The following IL1RAPL1 variants were observed in gnomAD, a reference collection of about 807,000 sequenced individuals.
The protein encoded by IL1RAPL1 is interleukin-1 receptor accessory protein-like 1.
In IL1RAPL1, 3 loss-of-function variants were observed where a neutral mutation model predicts 48.4. The ratio of observed to expected loss-of-function variants is 0.06; its 90% CI spans 0.03 to 0.16. The LOEUF (loss-of-function observed/expected upper bound fraction) is 0.16. Ranked by LOEUF, IL1RAPL1 falls within the 10% of genes least tolerant of loss-of-function variation. IL1RAPL1 has a pLI of 1.00. For missense variants in IL1RAPL1, 349 were observed against 530.6 expected (o/e 0.66, Z 3.36); for synonymous variants, 185 against 187.7 (o/e 0.99, Z 0.12).
At chrX:29,333,703 G>C (rs1203450576) in intron 3 of IL1RAPL1, among the ~76,000 whole-genome samples, 1 of 84,265 alleles carries the variant, frequency 1.2e-5, no homozygotes, top group Non-Finnish European at 2.3e-5. Flanking sequence ...CTGGCCGGGC[G>C]GGGGGCTGAC....
intron 3 of IL1RAPL1, among the ~76,000 whole-genome samples, chrX:29,346,497 C>G (rs1224465041): frequency 9.0e-6 from 1 of 111,671 alleles, no homozygotes; most frequent in Non-Finnish European, 1.9e-5. Context: ...TAAGCAGGCA[C>G]CATAAAATGT....
At chrX:28,725,426 T>C (rs1459232389) in intron 1 of IL1RAPL1, among the ~76,000 whole-genome samples, 1 of 112,012 alleles carries the variant, frequency 8.9e-6, no homozygotes, top group East Asian at 2.8e-4. Context: ...TTACATATTT[T>C]ATTTTGTGTG....
chrX:29,571,057 C>G (rs1922576997), intron 5 of IL1RAPL1, among the ~76,000 whole-genome samples: 2 of 110,311 alleles, frequency 1.8e-5, no homozygotes, highest in South Asian at 7.8e-4. Context: ...CCGTCTCTAC[C>G]AAAAAATACA....
intron 3 of IL1RAPL1, among the ~76,000 whole-genome samples, chrX:29,333,226 C>G (rs374829000): frequency 2.4e-3 from 247 of 104,606 alleles, no homozygotes; most frequent in African/African-American, 8.3e-3. Context: ...TAGGGGCGGC[C>G]GGGCAGAAGC....
At chrX:29,018,457 C>G (rs112663087) in intron 2 of IL1RAPL1, among the ~76,000 whole-genome samples, 1,300 of 111,856 alleles carry the variant, frequency 0.012, 22 homozygotes, top group African/African-American at 0.04. Flanking sequence ...AGGAGCATCT[C>G]ATCTCTAGCC....
intron 3 of IL1RAPL1, among the ~76,000 whole-genome samples, chrX:29,344,526 A>C (rs1301407400): frequency 8.9e-6 from 1 of 112,011 alleles, no homozygotes; most frequent in Non-Finnish European, 1.9e-5. Flanking sequence ...ATCCATTCCT[A>C]TTATTTAAGA....
chrX:29,237,719 C>A (rs959303222), intron 2 of IL1RAPL1, among the ~76,000 whole-genome samples: 1 of 112,045 alleles, frequency 8.9e-6, no homozygotes, highest in Non-Finnish European at 1.9e-5. Context: ...ATGTGTCTGA[C>A]TGCCACTGGG....
intron 2 of IL1RAPL1, among the ~76,000 whole-genome samples, chrX:28,840,298 C>T (rs1921336634): frequency 9.0e-6 from 1 of 111,093 alleles, no homozygotes; most frequent in South Asian, 3.7e-4. Context: ...TGGCACAATA[C>T]TGTTACCTTA....
chrX:29,120,108 T>C (rs1928751952), intron 2 of IL1RAPL1, among the ~76,000 whole-genome samples: 1 of 111,701 alleles, frequency 9.0e-6, no homozygotes, highest in Non-Finnish European at 1.9e-5. Context: ...TTACCCAAGA[T>C]AGTTTCTTTT....
At chrX:28,673,553 C>G (rs927974186) in intron 1 of IL1RAPL1, among the ~76,000 whole-genome samples, 2 of 112,040 alleles carry the variant, frequency 1.8e-5, no homozygotes, top group South Asian at 7.4e-4. Flanking sequence ...AGGTGGGTAG[C>G]ACATTCAGTG....
chrX:29,469,079 G>T (rs865834121), intron 5 of IL1RAPL1, among the ~76,000 whole-genome samples: 2 of 112,064 alleles, frequency 1.8e-5, no homozygotes, highest in Middle Eastern at 4.6e-3. Context: ...ATGCCCTGTG[G>T]TGGGAGCAAA....
intron 2 of IL1RAPL1, among the ~76,000 whole-genome samples, chrX:29,072,770 A>C (rs1447124727): frequency 9.0e-6 from 1 of 111,354 alleles, no homozygotes; most frequent in East Asian, 2.8e-4. Flanking sequence ...TAAACTCTAA[A>C]CTCTGAGAGT....
intron 5 of IL1RAPL1, among the ~76,000 whole-genome samples, chrX:29,489,901 G>T (rs1935137460): frequency 9.0e-6 from 1 of 111,599 alleles, no homozygotes; most frequent in South Asian, 3.7e-4. Flanking sequence ...GGCATTTGAG[G>T]GGATTTAGGT....
chrX:28,591,195 C>G (rs763805023), intron 1 of IL1RAPL1, among the ~76,000 whole-genome samples: 1 of 111,880 alleles, frequency 8.9e-6, no homozygotes, highest in South Asian at 3.7e-4. Flanking sequence ...AATATGAAAG[C>G]TATCAATTTT....
intron 6 of IL1RAPL1, among the ~76,000 whole-genome samples, chrX:29,729,144 G>A (rs778492004): frequency 1.8e-5 from 2 of 111,316 alleles, no homozygotes; most frequent in South Asian, 7.7e-4. Flanking sequence ...TCTCACAGGG[G>A]ATATAACTCC....
At chrX:29,160,365 T>C (rs1385146798) in intron 2 of IL1RAPL1, among the ~76,000 whole-genome samples, 3 of 111,772 alleles carry the variant, frequency 2.7e-5, no homozygotes, top group African/African-American at 9.7e-5. Context: ...TCCAATTTAA[T>C]GATGATAGAT....
chrX:29,902,277 G>A (rs1932510547), intron 6 of IL1RAPL1, among the ~76,000 whole-genome samples: 1 of 110,823 alleles, frequency 9.0e-6, no homozygotes, highest in Non-Finnish European at 1.9e-5. Flanking sequence ...TAACAAGAGG[G>A]ACACCCCCTC....
At chrX:29,675,392 C>G (rs1602358214) in intron 6 of IL1RAPL1, among the ~76,000 whole-genome samples, 1 of 111,691 alleles carries the variant, frequency 9.0e-6, no homozygotes, top group Non-Finnish European at 1.9e-5. Context: ...ATTTAAGCTT[C>G]CAACTCCTGG....
intron 2 of IL1RAPL1, among the ~76,000 whole-genome samples, chrX:28,830,019 A>G (rs892720443): frequency 3.6e-5 from 4 of 111,356 alleles, no homozygotes; most frequent in African/African-American, 9.8e-5. Flanking sequence ...TGCTTTTTAT[A>G]TACTGCTGGA....
Sources: allele counts gnomAD v4.1 joint callset (sites outside exome capture counted in the v4.1 genomes callset), GRCh38; gene constraint gnomAD v4.1.1; transcripts MANE v1.5; gene names NCBI Gene and HGNC (gene_info 2026-07-23, HGNC 2026-07-21).